Variants in ACAN observed in about 807,000 individuals in gnomAD.
ACAN encodes aggrecan core protein.
ACAN carries 47 observed loss-of-function variants against 169.1 expected under a neutral mutation model. That is an observed-to-expected ratio of 0.28 (90% confidence interval 0.22 to 0.35). The LOEUF is 0.35. Ranked by LOEUF, ACAN falls within the 10% of genes least tolerant of loss-of-function variation. ACAN has a pLI of 1.00. For missense variants in ACAN, 2,716 were observed against 2,759.9 expected (o/e 0.98, Z 0.36); for synonymous variants, 1,115 against 1,112.2 (o/e 1.00, Z -0.05).
At position 88,861,544 on chromosome 15, in the gene ACAN, T is replaced by C. The variant is rs1300458399; in HGVS notation, c.6946+1105T>C. ...ATGGTACATATGCAGTAACTATATA[T>C]GTATATATAAACAGACGTTAGGGTA... is the stretch of plus-strand genomic sequence containing the variant. On this transcript the variant is annotated intron_variant, in intron 13 of 18. Transcript: ENST00000560601. The surrounding 1 kb of genome is among the most constrained non-coding windows in gnomAD (Gnocchi z 6.3). Among the ~76,000 whole-genome samples, 1 of 152,104 alleles carries C rather than the reference T, an allele frequency of 6.6e-6. No homozygotes were observed. The highest frequency in any genetic ancestry group is 1.5e-5 in the Non-Finnish European group (1 of 68,034).
chr15:88,808,445 A>G (rs1035642272), intron 1 of ACAN, among the ~76,000 whole-genome samples: 13 of 152,250 alleles, frequency 8.5e-5, no homozygotes, highest in Middle Eastern at 6.8e-3. Context: ...GAATAAATCA[A>G]CTCACTCTTC....
Position 88,858,488 on chromosome 15 carries a change from A to G in ACAN, c.5903A>G (p.His1968Arg). The G allele has an allele frequency of 1.9e-6, 3 of 1,613,788 alleles. No individual in the cohort carries two copies. The highest frequency in any genetic ancestry group is 2.5e-6 in the Non-Finnish European group (3 of 1,179,888). Residue 1968 changes from histidine (H) to arginine (R), a missense_variant, in exon 12 of 19, where the codon CAT (histidine) becomes CGT (arginine). His to Arg is a conservative substitution (Grantham distance 29). Coordinates refer to ENST00000560601, the MANE Select transcript of ACAN (RefSeq NM_001369268.1). This position sits in a 1 kb window ranked among gnomAD's most constrained non-coding sequence, Gnocchi z 4.0. Reference sequence around the variant, plus strand: ...GGCATTTTAGAACTCAGTGGTGCTCATTCTGGAGCACCAGACATGTCTGGG... The same window carrying G: ...GGCATTTTAGAACTCAGTGGTGCTCGTTCTGGAGCACCAGACATGTCTGGG... ...PSGILELSGA[H>R]SGAPDMSGEH... is the part of the protein sequence containing the mutation.
chr15:88,846,153 T>A (rs751155961), intron 7 of ACAN, among the ~76,000 whole-genome samples: 1 of 152,164 alleles, frequency 6.6e-6, no homozygotes, highest in Non-Finnish European at 1.5e-5. Flanking sequence ...GCCACATAGT[T>A]CTAAGGGAAG....
At position 88,860,307 on chromosome 15, in the gene ACAN, T is replaced by A. The variant is rs777672192; in HGVS notation, c.6833-19T>A. Reference sequence around the variant, plus strand: ...GTGACTGTGTTCTTGATGCTCAACCTCTCCCCTGGGGGTTGCAGCCCCCGC... The same window carrying A: ...GTGACTGTGTTCTTGATGCTCAACCACTCCCCTGGGGGTTGCAGCCCCCGC... On this transcript the variant is annotated intron_variant, in intron 12 of 18. Transcript: ENST00000560601. The A allele has an allele frequency of 8.1e-5, 127 of 1,573,048 alleles. No individual in the cohort carries two copies. The highest frequency in any genetic ancestry group is 1.0e-4 in the Non-Finnish European group (121 of 1,152,530).
At chr15:88,853,778 A>G (rs1385354129) in intron 11 of ACAN, among the ~76,000 whole-genome samples, 1 of 148,550 alleles carries the variant, frequency 6.7e-6, no homozygotes, top group African/African-American at 2.6e-5. Context: ...ACATACATAC[A>G]TACATACGTA....
At chr15:88,815,034 A>G (rs1238103789) in intron 1 of ACAN, among the ~76,000 whole-genome samples, 1 of 152,064 alleles carries the variant, frequency 6.6e-6, no homozygotes, top group African/African-American at 2.4e-5. Context: ...ACCCCAGAAA[A>G]AAAAAAAAAA....
chr15:88,847,846 C>T, intron 8 of ACAN, 65 bp from the exon 9 acceptor site: 1 of 1,580,518 alleles, frequency 6.3e-7, no homozygotes, highest in Non-Finnish European at 8.6e-7. Context: ...GGCCTCAGCC[C>T]AGGGCCGTGC....
chr15:88,858,103 G>T lies in ACAN; in HGVS notation c.5518G>T (p.Ala1840Ser), dbSNP rs373484583. 24 of 1,613,760 alleles carry T rather than the reference G, an allele frequency of 1.5e-5. No homozygotes were observed. The highest frequency in any genetic ancestry group is 2.0e-5 in the Non-Finnish European group (24 of 1,179,900). The change falls in exon 12 of 19, where the codon GCC (alanine) becomes TCC (serine). Residue 1840 changes from alanine to serine, a missense_variant. By Grantham distance (99) the Ala-to-Ser change is moderately conservative. Coordinates refer to ENST00000560601, the MANE Select transcript of ACAN (RefSeq NM_001369268.1). The surrounding 1 kb of genome is among the most constrained non-coding windows in gnomAD (Gnocchi z 4.0). ...TFVDTSLVEV[A>S]PTTFKEEEGL... ...TGTGGACACCAGTTTGGTTGAAGTG[G>T]CCCCTACTACATTTAAAGAAGAAGA... is the stretch of plus-strand genomic sequence containing the variant.
At position 88,841,723 on chromosome 15, in the gene ACAN, T is replaced by C. The variant is rs1357418432; in HGVS notation, c.630-17T>C. The C allele has an allele frequency of 2.5e-6, 4 of 1,613,626 alleles. No homozygotes were observed. The highest frequency in any genetic ancestry group is 1.7e-6 in the Non-Finnish European group (2 of 1,179,740). On this transcript the variant is annotated splice_polypyrimidine_tract_variant and intron_variant, in intron 4 of 18. Transcript: ENST00000560601. Reference sequence around the variant, plus strand: ...TTGTCCCCTGAGTGTCACACCTCCATTTCGGGTTCCTGGCAGATACCCCAT... The same window carrying C: ...TTGTCCCCTGAGTGTCACACCTCCACTTCGGGTTCCTGGCAGATACCCCAT...
rs76925426 is a variant in ACAN, at chr15:88,860,044, C to T, written c.6833-282C>T. ...TGACATAACTCCAAGTGCCGGGCAG[C>T]GGGCACTGGTAGCGGTAGCTGATTT... is the stretch of plus-strand genomic sequence containing the variant. On this transcript the variant is annotated intron_variant, in intron 12 of 18. Transcript: ENST00000560601. 0.057 allele frequency among the ~76,000 whole-genome samples: 8,222 copies of T among 145,126 alleles called. 784 individuals carry two copies. Among genetic ancestry groups the T allele is most frequent in the African/African-American group, 0.2 (7,644 of 38,232 alleles).
rs775698414 is a variant in ACAN, at chr15:88,836,321, G to C, written c.70+45G>C. The C allele has an allele frequency of 4.6e-6, 7 of 1,533,710 alleles. No homozygotes were observed. In the South Asian group the frequency reaches 5.7e-5, roughly 13 times the overall value. ...TGTTTCACGTATTCAGTAGGCATGA[G>C]TAGTGGGTTTGAGTACTGGGTACTG... On this transcript the variant is annotated intron_variant, in intron 2 of 18. Transcript: ENST00000560601.
intron 9 of ACAN, among the ~76,000 whole-genome samples, chr15:88,848,920 C>G (rs1896860121): frequency 6.6e-6 from 1 of 152,192 alleles, no homozygotes; most frequent in East Asian, 1.9e-4. Context: ...AAGCCCTCCT[C>G]CCCCTAAACC....
chr15:88,859,539 G>A (rs746509218), intron 12 of ACAN, 122 bp downstream of exon 12: 119 of 1,318,484 alleles, frequency 9.0e-5, no homozygotes, highest in Non-Finnish European at 1.2e-4. Context: ...GGTTAGCTGT[G>A]CAGCCTCAGG....
intron 7 of ACAN, among the ~76,000 whole-genome samples, chr15:88,846,664 A>G (rs78748647): frequency 6.6e-6 from 1 of 152,370 alleles, no homozygotes; most frequent in Non-Finnish European, 1.5e-5. Context: ...TTAAAACAAT[A>G]CAATATAACC....
At chr15:88,804,602 A>T (rs546386593) in intron 1 of ACAN, among the ~76,000 whole-genome samples, 1 of 152,176 alleles carries the variant, frequency 6.6e-6, no homozygotes, top group South Asian at 2.1e-4. Flanking sequence ...ATGCTGGTGG[A>T]GCAGGAGCCC....
At position 88,849,998 on chromosome 15, in the gene ACAN, T is replaced by G. The variant is rs973751333; in HGVS notation, c.2026+267T>G. 8.2e-6 allele frequency: 5 copies of G among 611,480 alleles called. No individual in the cohort carries two copies. Among genetic ancestry groups the G allele is most frequent in the Non-Finnish European group, 1.5e-5 (5 of 341,684 alleles). 37.9% of individuals were successfully genotyped at this position (611,480 alleles called of 1,614,324 possible). ...TACTAGAAATGAAGCAGACCTGAAT[T>G]TGAGTTATGGCTCTGCTACTTAATA... On this transcript the variant is annotated intron_variant, in intron 10 of 18. Coordinates refer to ENST00000560601, the MANE Select transcript of ACAN (RefSeq NM_001369268.1). This position sits in a 1 kb window ranked among gnomAD's most constrained non-coding sequence, Gnocchi z 5.1.
In ACAN at chr15:88,849,047, G is replaced by A. The variant is rs1896864321; in HGVS notation, c.1733-391G>A. Among the ~76,000 whole-genome samples the A allele has an allele frequency of 6.6e-6, 1 of 152,226 alleles. No homozygotes were observed. Among genetic ancestry groups the A allele is most frequent in the Non-Finnish European group, 1.5e-5 (1 of 68,042 alleles). The stretch of plus-strand genomic sequence containing the variant: ...CACAGTGATAAGTGCAGTGGTGTAG[G>A]GGTGCAAAGGGATTGGAGGGGGCCC... On this transcript the variant is annotated intron_variant, in intron 9 of 18. Transcript: ENST00000560601. The surrounding 1 kb of genome is among the most constrained non-coding windows in gnomAD (Gnocchi z 5.1).
intron 1 of ACAN, 150 bp from the exon 2 acceptor site, chr15:88,836,050 A>G (rs1033514659): frequency 3.3e-6 from 2 of 606,086 alleles, no homozygotes; most frequent in South Asian, 2.2e-5. Context: ...TTAAGAAAAT[A>G]TCTCACAAAC....
chr15:88,840,302 C>T (rs1377174056), intron 4 of ACAN, 116 bp downstream of exon 4: 4 of 1,312,822 alleles, frequency 3.0e-6, no homozygotes, highest in Non-Finnish European at 4.1e-6. Context: ...GACACTGTGG[C>T]CAGCCTAGGT....
Sources: allele counts gnomAD v4.1 joint callset (sites outside exome capture counted in the v4.1 genomes callset), GRCh38; gene constraint gnomAD v4.1.1; non-coding constraint Gnocchi (gnomAD v3.1); transcripts MANE v1.5; gene names NCBI Gene and HGNC (gene_info 2026-07-23, HGNC 2026-07-21).